MYT1L: variants seen among roughly 807,000 people sequenced by gnomAD.
MYT1L encodes the protein myelin transcription factor 1-like protein.
A neutral mutation model predicts 126.7 loss-of-function variants in MYT1L; 12 were observed. The observed-to-expected ratio is 0.09, with a 90% CI of 0.06 to 0.15. The LOEUF is 0.15. Among genes scored for constraint, MYT1L ranks in the 10% least tolerant of loss-of-function variants. The probability of loss-of-function intolerance (pLI) is 1.00; values close to 1 mark genes in which losing one functional copy is unlikely to be tolerated. For synonymous variants in MYT1L, 541 were observed against 604.2 expected (o/e 0.90, Z 1.53); for missense variants, 979 against 1,585.2 (o/e 0.62, Z 6.49).
intron 4 of MYT1L, among the ~76,000 whole-genome samples, chr2:2,004,078 CAT>C (rs2062763562): frequency 2.9e-4 from 44 of 149,446 alleles, no homozygotes; most frequent in Non-Finnish European, 4.9e-4. Context: ...TTCTTTCCTG[CAT>C]ATGTTCTTTC....
intron 2 of MYT1L, among the ~76,000 whole-genome samples, chr2:2,200,926 A>G (rs566342307): frequency 1.8e-4 from 27 of 152,308 alleles, no homozygotes; most frequent in African/African-American, 6.5e-4. Context: ...TTAGATTCCT[A>G]CAAGTATATG....
At chr2:2,178,070 T>C (rs1308838191) in intron 2 of MYT1L, among the ~76,000 whole-genome samples, 3 of 152,096 alleles carry the variant, frequency 2.0e-5, no homozygotes, top group Non-Finnish European at 4.4e-5. Context: ...TATAAATAGA[T>C]AAAATATTTA....
At chr2:2,124,591 T>G (rs2081451481) in intron 3 of MYT1L, among the ~76,000 whole-genome samples, 1 of 151,892 alleles carries the variant, frequency 6.6e-6, no homozygotes, top group African/African-American at 2.4e-5. Flanking sequence ...CCACCCTGCC[T>G]GGCCCAGTTA....
chr2:1,833,242 GT>G (rs1312537312), intron 21 of MYT1L, among the ~76,000 whole-genome samples: 2 of 152,174 alleles, frequency 1.3e-5, no homozygotes, highest in African/African-American at 4.8e-5. Flanking sequence ...ATGTGAGTCT[GT>G]TCCCTCACTG....
chr2:2,185,588 G>A (rs946491061), intron 2 of MYT1L, among the ~76,000 whole-genome samples: 2 of 147,930 alleles, frequency 1.4e-5, no homozygotes, highest in Non-Finnish European at 3.0e-5. Flanking sequence ...GGGGGACGCA[G>A]CCAGGCCTTC....
intron 10 of MYT1L, among the ~76,000 whole-genome samples, chr2:1,919,308 T>C (rs977455967): frequency 2.0e-5 from 3 of 152,218 alleles, no homozygotes; most frequent in Non-Finnish European, 4.4e-5. Flanking sequence ...TACCTCCCCT[T>C]GGTTTCTTTT....
At chr2:2,279,957 T>C (rs1323016417) in intron 2 of MYT1L, among the ~76,000 whole-genome samples, 1 of 152,134 alleles carries the variant, frequency 6.6e-6, no homozygotes, top group Non-Finnish European at 1.5e-5. Context: ...GGGTAAGAGG[T>C]AAATGAAACA....
chr2:1,814,345 C>T (rs2037293299), intron 21 of MYT1L, among the ~76,000 whole-genome samples: 1 of 152,200 alleles, frequency 6.6e-6, no homozygotes, highest in Non-Finnish European at 1.5e-5. Flanking sequence ...CCCACCACAG[C>T]GCTGCCTTCC....
chr2:2,218,949 A>G (rs777462714), intron 2 of MYT1L, among the ~76,000 whole-genome samples: 3 of 152,210 alleles, frequency 2.0e-5, no homozygotes, highest in Non-Finnish European at 4.4e-5. Flanking sequence ...AGACCAAAAG[A>G]CAGAGCCTTT....
intron 22 of MYT1L, among the ~76,000 whole-genome samples, chr2:1,802,417 G>A (rs1200879993): frequency 1.3e-5 from 2 of 152,180 alleles, no homozygotes; most frequent in East Asian, 3.8e-4. Flanking sequence ...GGAGGGAGAT[G>A]GCCACAAAAG....
chr2:1,922,200 T>G lies in MYT1L; in HGVS notation c.1483+86A>C. Reference sequence around the variant, plus strand: ...CAGTAGAGACATAATTCAGTGTGAGTCACACTTTAACTGTAGACTACCACC... The same window carrying G: ...CAGTAGAGACATAATTCAGTGTGAGGCACACTTTAACTGTAGACTACCACC... On this transcript the variant is annotated intron_variant, in intron 10 of 24. Coordinates refer to ENST00000647738, the MANE Select transcript of MYT1L (RefSeq NM_001303052.2). The surrounding 1 kb of genome is among the most constrained non-coding windows in gnomAD (Gnocchi z 7.4). The G allele has an allele frequency of 6.6e-7, 1 of 1,512,924 alleles. No homozygotes were observed. The highest frequency in any genetic ancestry group is 8.9e-7 in the Non-Finnish European group (1 of 1,122,496). 93.7% of individuals were successfully genotyped at this position (1,512,924 alleles called of 1,614,324 possible). A position where few individuals can be genotyped will look rare whatever the true frequency, so the allele number is the denominator to read the frequency against.
chr2:1,902,864 GA>G, intron 14 of MYT1L: 1 of 566,854 alleles, frequency 1.8e-6, no homozygotes. Context: ...TTATTGAGGG[GA>G]AACCATCTCC....
intron 1 of MYT1L, among the ~76,000 whole-genome samples, chr2:2,309,221 C>A (rs977931700): frequency 3.3e-5 from 5 of 151,558 alleles, no homozygotes; most frequent in African/African-American, 1.2e-4. Context: ...ACCTGCACTT[C>A]AGTACATTCT....
At chr2:1,959,065 C>T (rs2058745823) in intron 8 of MYT1L, among the ~76,000 whole-genome samples, 1 of 152,162 alleles carries the variant, frequency 6.6e-6, no homozygotes, top group Non-Finnish European at 1.5e-5. Context: ...ATGTCAGCGT[C>T]TTGGTGTTTG....
chr2:2,135,069 C>T (rs1360266616), intron 3 of MYT1L, among the ~76,000 whole-genome samples: 1 of 152,188 alleles, frequency 6.6e-6, no homozygotes, highest in African/African-American at 2.4e-5. Flanking sequence ...TCCCTGCTCC[C>T]TCACTGGTGC....
chr2:2,195,521 T>C (rs2092761761), intron 2 of MYT1L, among the ~76,000 whole-genome samples: 1 of 152,180 alleles, frequency 6.6e-6, no homozygotes, highest in Non-Finnish European at 1.5e-5. Context: ...ATCTTTCATC[T>C]ACAATGTCTG....
chr2:2,305,599 G>A (rs1265393477), intron 1 of MYT1L, among the ~76,000 whole-genome samples: 1 of 152,048 alleles, frequency 6.6e-6, no homozygotes, highest in Non-Finnish European at 1.5e-5. Flanking sequence ...CTGCTATAAA[G>A]AACTACCTGA....
intron 4 of MYT1L, among the ~76,000 whole-genome samples, chr2:2,033,815 G>C (rs2066692508): frequency 6.6e-6 from 1 of 152,182 alleles, no homozygotes; most frequent in Non-Finnish European, 1.5e-5. Flanking sequence ...CTGGGGACAG[G>C]ATGGCACTGT....
intron 2 of MYT1L, among the ~76,000 whole-genome samples, chr2:2,185,622 C>G (rs1572253830): frequency 6.9e-6 from 1 of 144,002 alleles, no homozygotes; most frequent in Non-Finnish European, 1.5e-5. Context: ...GTCCCGCGTT[C>G]CTTCTGTGAG....
Sources: allele counts gnomAD v4.1 joint callset (sites outside exome capture counted in the v4.1 genomes callset), GRCh38; gene constraint gnomAD v4.1.1; non-coding constraint Gnocchi (gnomAD v3.1); transcripts MANE v1.5; gene names NCBI Gene and HGNC (gene_info 2026-07-23, HGNC 2026-07-21).